The following TMEM65 variants were observed in gnomAD, a reference collection of about 807,000 sequenced individuals.
The protein encoded by TMEM65 is transmembrane protein 65.
Under a neutral mutation model 25.4 loss-of-function variants are expected in TMEM65, and 22 were observed. The ratio of observed to expected loss-of-function variants is 0.86; its 90% CI spans 0.62 to 1.23. The LOEUF is 1.23. Among genes scored for constraint, TMEM65 ranks in the 50% most tolerant of loss-of-function variants. The pLI is 0.00. For synonymous variants in TMEM65, 132 were observed against 126.2 expected, an observed-to-expected ratio of 1.05 and a Z score of -0.31; for missense variants, 262 against 308.2, an observed-to-expected ratio of 0.85 and a Z score of 1.12.
intron 1 of TMEM65, among the ~76,000 whole-genome samples, chr8:124,341,468 C>A (rs1174654052): frequency 6.6e-6 from 1 of 151,954 alleles, no homozygotes; most frequent in East Asian, 1.9e-4. Context: ...GTAAGAATTT[C>A]TTGGACTACT....
intron 1 of TMEM65, among the ~76,000 whole-genome samples, chr8:124,340,387 A>C (rs1418004923): frequency 6.6e-6 from 1 of 152,200 alleles, no homozygotes; most frequent in East Asian, 1.9e-4. Flanking sequence ...AAAGAAAAAT[A>C]AGCACTTAGA....
chr8:124,352,369 A>C (rs772170586), intron 1 of TMEM65, among the ~76,000 whole-genome samples: 1 of 152,026 alleles, frequency 6.6e-6, no homozygotes, highest in Non-Finnish European at 1.5e-5. Context: ...ATTAAAATTT[A>C]ATATACATTT....
chr8:124,363,279 T>C (rs973642623), intron 1 of TMEM65, among the ~76,000 whole-genome samples: 26 of 152,320 alleles, frequency 1.7e-4, no homozygotes, highest in Non-Finnish European at 3.5e-4. Flanking sequence ...CTTTGAGTTA[T>C]AGTTTATGGA....
intron 1 of TMEM65, among the ~76,000 whole-genome samples, chr8:124,347,217 CCTGT>C (rs748393324): frequency 6.6e-6 from 1 of 152,028 alleles, no homozygotes; most frequent in African/African-American, 2.4e-5. Context: ...TTTTAATTAA[CCTGT>C]CTTTTTAAAC....
intron 1 of TMEM65, among the ~76,000 whole-genome samples, chr8:124,335,527 G>A (rs1319627720): frequency 6.6e-6 from 1 of 152,084 alleles, no homozygotes; most frequent in Admixed American, 6.5e-5. Context: ...CTGTCTTATA[G>A]TGTTTATAAA....
chr8:124,359,209 C>T (rs1356860508), intron 1 of TMEM65, among the ~76,000 whole-genome samples: 1 of 152,108 alleles, frequency 6.6e-6, no homozygotes, highest in African/African-American at 2.4e-5. Context: ...CAAGGTGATC[C>T]AAGAGCCAAA....
chr8:124,345,775 G>A (rs896515277), intron 1 of TMEM65, among the ~76,000 whole-genome samples: 4 of 146,542 alleles, frequency 2.7e-5, no homozygotes, highest in Non-Finnish European at 3.1e-5. Context: ...ATGGAGTCTC[G>A]TTCTGTCACC....
At position 124,363,979 on chromosome 8, in the gene TMEM65, G is replaced by A. The variant is rs183083597; in HGVS notation, c.304+7875C>T. On this transcript the variant is annotated intron_variant, in intron 1 of 6. Transcript: ENST00000297632. ...AAGAGAATGTAAAGGATTTTGTTGT[G>A]CAACCATAGCCTTTGCAGTAGAATC... is the stretch of plus-strand genomic sequence containing the variant. Among the ~76,000 whole-genome samples, 377 of 151,200 alleles carry A rather than the reference G, an allele frequency of 2.5e-3. 1 individual carries two copies. The highest frequency in any genetic ancestry group is 7.9e-3 in the African/African-American group (324 of 41,124).
intron 1 of TMEM65, among the ~76,000 whole-genome samples, chr8:124,367,530 T>C (rs895731196): frequency 6.6e-6 from 1 of 152,006 alleles, no homozygotes; most frequent in African/African-American, 2.4e-5. Context: ...TCCTGAGCAA[T>C]GGGCTGAAAA....
At chr8:124,317,775 T>C (rs974492195) in intron 6 of TMEM65, among the ~76,000 whole-genome samples, 1 of 152,182 alleles carries the variant, frequency 6.6e-6, no homozygotes, top group Non-Finnish European at 1.5e-5. Flanking sequence ...GGCTCCATCT[T>C]GCCATCCTGC....
intron 6 of TMEM65, among the ~76,000 whole-genome samples, chr8:124,319,852 C>T (rs1814283421): frequency 6.6e-6 from 1 of 152,116 alleles, no homozygotes; most frequent in African/African-American, 2.4e-5. Context: ...ATAAGAGATA[C>T]TCCCTAATAC....
At chr8:124,323,236 A>G (rs1814327320) in intron 4 of TMEM65, 85 bp downstream of exon 4, 2 of 743,480 alleles carry the variant, frequency 2.7e-6, no homozygotes, top group Non-Finnish European at 4.4e-6. Context: ...AACTCATTCA[A>G]ATAAATTACC....
chr8:124,311,289 A>C lies in TMEM65; in HGVS notation c.*2671T>G, dbSNP rs1271640597. ...GTGACATTGCTGCCACCTTGTAACA[A>C]ATCCGTATTCATTAATCCTGTTTGC... is the stretch of plus-strand genomic sequence containing the variant. On this transcript the variant is annotated 3_prime_UTR_variant, in exon 7 of 7. Transcript: ENST00000297632. The C allele has an allele frequency of 6.6e-6, 1 of 152,562 alleles. No individual in the cohort carries two copies. The highest frequency in any genetic ancestry group is 1.5e-5 in the Non-Finnish European group (1 of 68,026). 9.5% of individuals were successfully genotyped at this position (152,562 alleles called of 1,614,324 possible). A position where few individuals can be genotyped will look rare whatever the true frequency, so the allele number is the denominator to read the frequency against.
intron 1 of TMEM65, among the ~76,000 whole-genome samples, chr8:124,361,789 T>C (rs985077356): frequency 2.0e-5 from 3 of 151,400 alleles, no homozygotes; most frequent in East Asian, 2.0e-4. Context: ...TGAGCGGAGA[T>C]TGCGCCACTG....
chr8:124,332,709 T>G (rs77461419), intron 1 of TMEM65, among the ~76,000 whole-genome samples: 1,605 of 152,226 alleles, frequency 0.011, 23 homozygotes, highest in African/African-American at 0.034. Flanking sequence ...TGCCTCCTGC[T>G]TCACAAAGAA....
At chr8:124,329,242 G>A (rs1586460312) in intron 2 of TMEM65, among the ~76,000 whole-genome samples, 1 of 151,546 alleles carries the variant, frequency 6.6e-6, no homozygotes, top group Non-Finnish European at 1.5e-5. Flanking sequence ...GCCTAAATCT[G>A]GTTATTTACT....
chr8:124,331,159 G>A (rs1335761135), intron 1 of TMEM65, among the ~76,000 whole-genome samples: 2 of 151,456 alleles, frequency 1.3e-5, no homozygotes, highest in Non-Finnish European at 3.0e-5. Context: ...TCTTTCAGAT[G>A]GCAACCCTAG....
At chr8:124,330,123 T>G (rs981338034) in intron 2 of TMEM65, among the ~76,000 whole-genome samples, 1 of 151,856 alleles carries the variant, frequency 6.6e-6, no homozygotes, top group East Asian at 1.9e-4. Context: ...GCAAATCACG[T>G]TTCATATTTA....
At chr8:124,367,784 T>C (rs1209031228) in intron 1 of TMEM65, among the ~76,000 whole-genome samples, 1 of 152,172 alleles carries the variant, frequency 6.6e-6, no homozygotes, top group African/African-American at 2.4e-5. Flanking sequence ...AATTATTTGG[T>C]TAATGTATAC....
Sources: gnomAD v4.1 joint callset for allele counts (sites outside exome capture counted in the v4.1 genomes callset) on GRCh38, gnomAD v4.1.1 for gene constraint, MANE v1.5 for transcripts, NCBI Gene and HGNC (gene_info 2026-07-23, HGNC 2026-07-21) for gene names.